AP1B1: variants seen among roughly 807,000 people sequenced by gnomAD.
AP1B1 encodes adaptor related protein complex 1 subunit beta 1.
In AP1B1, 36 loss-of-function variants were observed where a neutral mutation model predicts 104.3. The ratio of observed to expected loss-of-function variants is 0.35; its 90% CI spans 0.26 to 0.46. The LOEUF is 0.46. AP1B1 is among the 20% of genes least tolerant of loss of function. The probability of loss-of-function intolerance (pLI) is 1.00; values close to 1 mark genes in which losing one functional copy is unlikely to be tolerated. For missense variants in AP1B1, 901 were observed against 1,247.9 expected, an observed-to-expected ratio of 0.72 and a Z score of 4.19; for synonymous variants, 504 against 517.5, an observed-to-expected ratio of 0.97 and a Z score of 0.35.
chr22:29,359,109 CCAA>C (rs1940696632), intron 4 of AP1B1, 138 bp from the exon 5 acceptor site: 1 of 833,982 alleles, frequency 1.2e-6, no homozygotes, highest in African/African-American at 1.7e-5. Context: ...CCAACTACAG[CCAA>C]CAACAGCAAA....
intron 7 of AP1B1, among the ~76,000 whole-genome samples, chr22:29,353,252 G>A (rs1602736381): frequency 1.3e-5 from 2 of 152,196 alleles, no homozygotes; most frequent in South Asian, 4.1e-4. Flanking sequence ...GGTACTCTGT[G>A]CTGCTGTGCA....
At chr22:29,373,900 T>TG (rs2062286517) in intron 1 of AP1B1, among the ~76,000 whole-genome samples, 1 of 138,380 alleles carries the variant, frequency 7.2e-6, no homozygotes, top group Admixed American at 7.3e-5. Flanking sequence ...AGACTCGGTC[T>TG]GAAAAAAAAA....
At chr22:29,339,237 G>A in intron 15 of AP1B1, 104 bp from the exon 16 acceptor site, 1 of 1,365,658 alleles carries the variant, frequency 7.3e-7, no homozygotes, top group Non-Finnish European at 1.0e-6. Flanking sequence ...ACTGGGGGCA[G>A]GGGGCAGGAC....
intron 1 of AP1B1, among the ~76,000 whole-genome samples, chr22:29,387,265 C>T (rs999526532): frequency 4.8e-4 from 72 of 151,002 alleles, no homozygotes; most frequent in Non-Finnish European, 8.4e-4. Context: ...AAGGCTACAT[C>T]GTGACATAAA....
chr22:29,386,787 G>A (rs1040727809), intron 1 of AP1B1, among the ~76,000 whole-genome samples: 2 of 152,230 alleles, frequency 1.3e-5, no homozygotes, highest in Non-Finnish European at 2.9e-5. Flanking sequence ...TCATGTTGAT[G>A]TCAGGGAAAC....
chr22:29,334,730 G>A (rs1221643220), intron 16 of AP1B1, among the ~76,000 whole-genome samples: 1 of 150,290 alleles, frequency 6.7e-6, no homozygotes, highest in African/African-American at 2.4e-5. Context: ...GGGAGGCCAT[G>A]AGCTGGCAAT....
At chr22:29,361,262 T>C (rs2062041471) in intron 3 of AP1B1, among the ~76,000 whole-genome samples, 1 of 152,162 alleles carries the variant, frequency 6.6e-6, no homozygotes, top group Non-Finnish European at 1.5e-5. Context: ...CCGGAGCTGC[T>C]GGCAGGAGGT....
chr22:29,379,062 GAA>G (rs1187892595), intron 1 of AP1B1, among the ~76,000 whole-genome samples: 1 of 150,398 alleles, frequency 6.6e-6, no homozygotes, highest in Non-Finnish European at 1.5e-5. Context: ...CTGCTGTGAA[GAA>G]AAAAAAGTGA....
intron 2 of AP1B1, among the ~76,000 whole-genome samples, chr22:29,364,196 C>G (rs1238440894): frequency 6.6e-6 from 1 of 152,318 alleles, no homozygotes; most frequent in Non-Finnish European, 1.5e-5. Flanking sequence ...ACAGCTTGTT[C>G]AGGGTTTCAC....
rs2062538557 is a variant in AP1B1, at chr22:29,387,175, A to G, written c.-28+1249T>C. On this transcript the variant is annotated intron_variant, in intron 1 of 22. Transcript: ENST00000357586. ...GACTCTTGCCCTGAAAGGTATCACT[A>G]ATAGCAACAGCCTGTAGGATTGTTT... Among the ~76,000 whole-genome samples, 3 of 152,224 alleles carry G rather than the reference A, an allele frequency of 2.0e-5. 1 individual carries two copies. In the South Asian group the frequency reaches 6.2e-4, roughly 32 times the overall value.
chr22:29,364,254 C>T (rs2062096789), intron 2 of AP1B1, among the ~76,000 whole-genome samples: 1 of 152,168 alleles, frequency 6.6e-6, no homozygotes, highest in Non-Finnish European at 1.5e-5. Flanking sequence ...AACAGGAATT[C>T]AGCTGCTCCA....
intron 1 of AP1B1, among the ~76,000 whole-genome samples, chr22:29,373,926 G>A (rs932272060): frequency 3.8e-5 from 5 of 130,876 alleles, no homozygotes; most frequent in East Asian, 4.8e-4. Context: ...GGCAAGGCAC[G>A]GTGGCTCACA....
In AP1B1 at chr22:29,331,606, T is replaced by C. The variant is rs987965527; in HGVS notation, c.2440-73A>G. ...TCTGAGGCCCCAGGAAGAGTGTCAC[T>C]GAGCAGATTCTCTCCCAGGGCCTTC... On this transcript the variant is annotated intron_variant, in intron 18 of 22. Coordinates refer to ENST00000357586, the MANE Select transcript of AP1B1 (RefSeq NM_001127.4). The C allele has an allele frequency of 1.1e-5, 18 of 1,590,636 alleles. No individual in the cohort carries two copies. The African/African-American group carries it at 2.4e-4, about 21-fold the overall frequency.
chr22:29,384,014 AAC>A (rs1204488981), intron 1 of AP1B1, among the ~76,000 whole-genome samples: 1 of 152,142 alleles, frequency 6.6e-6, no homozygotes, highest in East Asian at 1.9e-4. Context: ...GGACAATCTA[AAC>A]ACAAGGAGTG....
intron 1 of AP1B1, among the ~76,000 whole-genome samples, chr22:29,375,263 T>A (rs2062317595): frequency 7.1e-6 from 1 of 140,528 alleles, no homozygotes; most frequent in African/African-American, 2.8e-5. Context: ...GGCAGGAGAA[T>A]CGCTTGAACC....
At chr22:29,333,228 A>G (rs1368218195) in intron 17 of AP1B1, 2 of 154,826 alleles carry the variant, frequency 1.3e-5, no homozygotes, top group Non-Finnish European at 2.9e-5. Flanking sequence ...GTGCTCAGGA[A>G]GAAGAATCAT....
At chr22:29,329,109 C>A in intron 22 of AP1B1, 1 of 1,371,376 alleles carries the variant, frequency 7.3e-7, no homozygotes, top group East Asian at 2.9e-5. Flanking sequence ...AGCCCACACA[C>A]CTGCTGTCAG....
intron 10 of AP1B1, among the ~76,000 whole-genome samples, chr22:29,349,753 C>A (rs553769866): frequency 9.2e-5 from 14 of 152,130 alleles, no homozygotes; most frequent in Non-Finnish European, 1.2e-4. Context: ...TGATCTCAGG[C>A]AATCCACCCG....
intron 15 of AP1B1, 101 bp downstream of exon 15, chr22:29,339,653 G>A: frequency 7.8e-7 from 1 of 1,278,622 alleles, no homozygotes; most frequent in Non-Finnish European, 1.1e-6. Context: ...AGCAGGTGGA[G>A]GCTGCTGTGA....
Sources: allele counts gnomAD v4.1 joint callset (sites outside exome capture counted in the v4.1 genomes callset), GRCh38; gene constraint gnomAD v4.1.1; transcripts MANE v1.5; gene names NCBI Gene and HGNC (gene_info 2026-07-23, HGNC 2026-07-21).